MYO1E: variants seen among roughly 807,000 people sequenced by gnomAD.
The protein encoded by MYO1E is myosin IE, also known as unconventional myosin-Ie.
A neutral mutation model predicts 151.1 loss-of-function variants in MYO1E; 68 were observed. The observed-to-expected ratio is 0.45, with a 90% CI of 0.37 to 0.55. The LOEUF (loss-of-function observed/expected upper bound fraction) is 0.55, where lower values mean the gene tolerates loss of function less well. Ranked by LOEUF, MYO1E falls within the 20% of genes least tolerant of loss-of-function variation. MYO1E has a pLI of 0.00. For synonymous variants in MYO1E, 601 were observed against 501.7 expected (o/e 1.20, Z -2.64); for missense variants, 1,363 against 1,389.3 (o/e 0.98, Z 0.30).
chr15:59,223,228 T>A (rs754551949), intron 8 of MYO1E, 37 bp from the exon 9 acceptor site: 19 of 1,613,004 alleles, frequency 1.2e-5, no homozygotes, highest in Non-Finnish European at 1.6e-5. Context: ...GAGAAGCTGG[T>A]CACCAGCTTT....
intron 3 of MYO1E, among the ~76,000 whole-genome samples, chr15:59,260,141 G>A (rs1227699909): frequency 2.0e-5 from 3 of 152,318 alleles, no homozygotes; most frequent in East Asian, 3.9e-4. Context: ...AAAGGGATGT[G>A]TATACAGCAA....
chr15:59,166,905 G>A (rs79862432), intron 22 of MYO1E, among the ~76,000 whole-genome samples: 1 of 152,332 alleles, frequency 6.6e-6, no homozygotes, highest in African/African-American at 2.4e-5. Flanking sequence ...AACACTTATA[G>A]TAAGGCACAT....
intron 17 of MYO1E, among the ~76,000 whole-genome samples, chr15:59,194,488 C>T (rs1030105244): frequency 1.3e-5 from 2 of 152,178 alleles, no homozygotes; most frequent in Non-Finnish European, 2.9e-5. Flanking sequence ...AGGAGATAAT[C>T]GGCAGCTAGG....
At chr15:59,324,480 T>C (rs1428872578) in intron 1 of MYO1E, among the ~76,000 whole-genome samples, 1 of 152,070 alleles carries the variant, frequency 6.6e-6, no homozygotes, top group Non-Finnish European at 1.5e-5. Context: ...GAGTTGGGCA[T>C]GTTCTGGGGA....
chr15:59,314,550 C>T (rs1469619173), intron 1 of MYO1E, among the ~76,000 whole-genome samples: 1 of 152,088 alleles, frequency 6.6e-6, no homozygotes, highest in African/African-American at 2.4e-5. Context: ...GATCTCACTC[C>T]CAGAAATGGT....
chr15:59,232,526 A>G (rs1270530624), intron 5 of MYO1E, among the ~76,000 whole-genome samples: 2 of 152,264 alleles, frequency 1.3e-5, no homozygotes, highest in Non-Finnish European at 2.9e-5. Flanking sequence ...AGAAGTGTGC[A>G]AAACACACCA....
intron 4 of MYO1E, among the ~76,000 whole-genome samples, chr15:59,251,346 G>A (rs1268467881): frequency 9.2e-5 from 14 of 152,246 alleles, no homozygotes; most frequent in African/African-American, 3.4e-4. Flanking sequence ...GATGTCTGTA[G>A]GAAAACTAGT....
chr15:59,186,711 C>G (rs781605565), intron 18 of MYO1E, among the ~76,000 whole-genome samples: 5 of 152,178 alleles, frequency 3.3e-5, no homozygotes, highest in African/African-American at 1.2e-4. Context: ...ATGATTGCAC[C>G]ACTGCACTCC....
chr15:59,319,702 G>C (rs1221658416), intron 1 of MYO1E, among the ~76,000 whole-genome samples: 1 of 151,666 alleles, frequency 6.6e-6, no homozygotes, highest in Non-Finnish European at 1.5e-5. Flanking sequence ...TCAGGAGTTT[G>C]AGACCAGCCT....
intron 1 of MYO1E, among the ~76,000 whole-genome samples, chr15:59,303,186 A>T (rs1258104887): frequency 6.6e-6 from 1 of 152,226 alleles, no homozygotes; most frequent in East Asian, 1.9e-4. Flanking sequence ...TGTCAGCTTG[A>T]TAAAATCCAT....
chr15:59,183,260 A>G (rs1243272435), intron 18 of MYO1E, among the ~76,000 whole-genome samples: 2 of 152,204 alleles, frequency 1.3e-5, no homozygotes, highest in Non-Finnish European at 2.9e-5. Flanking sequence ...GGTTTTTAAA[A>G]CAAGGTAGAA....
At chr15:59,246,319 T>C (rs530090147) in intron 4 of MYO1E, among the ~76,000 whole-genome samples, 48 of 152,264 alleles carry the variant, frequency 3.2e-4, no homozygotes, top group African/African-American at 1.2e-3. Flanking sequence ...GGTTTCACCA[T>C]GTTGGCCAGG....
Position 59,372,281 on chromosome 15 carries a change from C to G in MYO1E, c.3+217G>C, listed in dbSNP as rs112169222. 0.078 allele frequency among the ~76,000 whole-genome samples: 11,944 copies of G among 152,254 alleles called. 1,045 individuals carry two copies. The highest frequency in any genetic ancestry group is 0.22 in the African/African-American group (9,013 of 41,542). On this transcript the variant is annotated intron_variant, in intron 1 of 27. Coordinates refer to ENST00000288235, the MANE Select transcript of MYO1E (RefSeq NM_004998.4). ...CACAGAAAGTTTCGCGACGCAGAAA[C>G]CGACTTGGAATAAAGTTTTCCTTGG...
intron 1 of MYO1E, among the ~76,000 whole-genome samples, chr15:59,365,989 C>G (rs1399435961): frequency 1.3e-5 from 2 of 152,034 alleles, no homozygotes; most frequent in African/African-American, 2.4e-5. Context: ...CCTTCTTTCT[C>G]TCTTTTGAGA....
intron 1 of MYO1E, among the ~76,000 whole-genome samples, chr15:59,365,464 C>T (rs1328626726): frequency 6.6e-6 from 1 of 152,098 alleles, no homozygotes; most frequent in Non-Finnish European, 1.5e-5. Context: ...GTAAGAAAAA[C>T]CTTATTAGAC....
At position 59,206,284 on chromosome 15, in the gene MYO1E, C is replaced by G. The variant is rs551651528; in HGVS notation, c.1531-799G>C. Among the ~76,000 whole-genome samples the G allele has an allele frequency of 1.6e-4, 24 of 152,264 alleles. 1 individual carries two copies. The highest frequency in any genetic ancestry group is 5.8e-4 in the African/African-American group (24 of 41,544). On this transcript the variant is annotated intron_variant, in intron 14 of 27. Coordinates refer to ENST00000288235, the MANE Select transcript of MYO1E (RefSeq NM_004998.4). Reference sequence around the variant, plus strand: ...TTTATTCAGCAGCTAATACATGTAGCAGGGTGATTCATTTTCCAAAAATAT... The same window carrying G: ...TTTATTCAGCAGCTAATACATGTAGGAGGGTGATTCATTTTCCAAAAATAT...
chr15:59,181,536 A>G (rs1321253571), intron 18 of MYO1E, among the ~76,000 whole-genome samples: 8 of 152,272 alleles, frequency 5.3e-5, no homozygotes, highest in Admixed American at 5.2e-4. Context: ...TTCAAGTAGC[A>G]CAGCACTTAC....
chr15:59,365,577 T>A (rs1220981480), intron 1 of MYO1E, among the ~76,000 whole-genome samples: 1 of 152,184 alleles, frequency 6.6e-6, no homozygotes, highest in African/African-American at 2.4e-5. Flanking sequence ...TAATTTAACC[T>A]CTCTAGATCT....
intron 1 of MYO1E, among the ~76,000 whole-genome samples, chr15:59,279,852 T>C (rs1249574029): frequency 1.3e-5 from 2 of 152,340 alleles, no homozygotes; most frequent in East Asian, 3.9e-4. Context: ...ATATGCACTA[T>C]CTCTGTACAA....
Sources: allele counts gnomAD v4.1 joint callset (sites outside exome capture counted in the v4.1 genomes callset), GRCh38; gene constraint gnomAD v4.1.1; transcripts MANE v1.5; gene names NCBI Gene and HGNC (gene_info 2026-07-23, HGNC 2026-07-21).